The following TOX3 variants were observed in gnomAD, a reference collection of about 807,000 sequenced individuals.
TOX3 encodes CAG trinucleotide repeat-containing gene F9 protein.
TOX3 carries 22 observed loss-of-function variants against 64.3 expected under a neutral mutation model. That is an observed-to-expected ratio of 0.34 (90% CI 0.24 to 0.49). The LOEUF (loss-of-function observed/expected upper bound fraction) is 0.49. TOX3 is among the 20% of genes least tolerant of loss of function. The probability of loss-of-function intolerance (pLI) is 0.99; values close to 1 mark genes in which losing one functional copy is unlikely to be tolerated. For missense variants in TOX3, 661 were observed against 714.4 expected, an observed-to-expected ratio of 0.93 and a Z score of 0.85; for synonymous variants, 291 against 273.6, an observed-to-expected ratio of 1.06 and a Z score of -0.63.
intron 1 of TOX3, among the ~76,000 whole-genome samples, chr16:52,473,360 C>A (rs1003702046): frequency 9.6e-5 from 14 of 145,738 alleles, no homozygotes; most frequent in African/African-American, 3.9e-4. Context: ...CAAACTTAAT[C>A]CTAAAAAAAA....
Position 52,508,264 on chromosome 16 carries a change from A to T in TOX3, c.87+38373T>A, listed in dbSNP as rs530172464. On this transcript the variant is annotated intron_variant, in intron 1 of 6. Transcript: ENST00000219746. Reference sequence around the variant, plus strand: ...ATACAACCATTCTGGAAAATAATTCAACGTTGCCAAGTCAAGAGCATTCCC... The same window carrying T: ...ATACAACCATTCTGGAAAATAATTCTACGTTGCCAAGTCAAGAGCATTCCC... Among the ~76,000 whole-genome samples, 3 of 152,334 alleles carry T rather than the reference A, an allele frequency of 2.0e-5. No individual in the cohort carries two copies. In the East Asian group the frequency reaches 5.8e-4, roughly 29 times the overall value.
rs1963211351 is a variant in TOX3 at position 52,546,954 on chromosome 16, G to A, written c.-231C>T. The A allele has an allele frequency of 1.0e-6, 1 of 983,456 alleles. No individual in the cohort carries two copies. Among genetic ancestry groups the A allele is most frequent in the African/African-American group, 1.8e-5 (1 of 56,468 alleles). 60.9% of individuals were successfully genotyped at this position (983,456 alleles called of 1,614,324 possible). A position where few individuals can be genotyped will look rare whatever the true frequency, so the allele number is the denominator to read the frequency against. The stretch of plus-strand genomic sequence containing the variant: ...GAGCGGGAGGCGGCCGGGGGGACGC[G>A]CCCCGCCGGGGCACCGAGGCAGCGC... On this transcript the variant is annotated 5_prime_UTR_variant, in exon 1 of 7. Coordinates refer to ENST00000219746, the MANE Select transcript of TOX3 (RefSeq NM_001080430.4).
At chr16:52,507,227 A>G (rs1962183363) in intron 1 of TOX3, among the ~76,000 whole-genome samples, 1 of 152,210 alleles carries the variant, frequency 6.6e-6, no homozygotes, top group African/African-American at 2.4e-5. Context: ...GCTGTTTTGT[A>G]TCACAGCAAA....
intron 1 of TOX3, among the ~76,000 whole-genome samples, chr16:52,492,360 A>G (rs1045683683): frequency 2.4e-4 from 35 of 146,036 alleles, no homozygotes; most frequent in African/African-American, 8.2e-4. Context: ...TATTCTCACT[A>G]GAATTTACTC....
At chr16:52,462,660 C>T (rs1960726682) in intron 3 of TOX3, among the ~76,000 whole-genome samples, 1 of 151,952 alleles carries the variant, frequency 6.6e-6, no homozygotes, top group South Asian at 2.1e-4. Flanking sequence ...TATTTTTATT[C>T]TTTTCTAAGC....
intron 1 of TOX3, among the ~76,000 whole-genome samples, chr16:52,531,994 C>T (rs1193907086): frequency 1.3e-5 from 2 of 152,030 alleles, no homozygotes; most frequent in African/African-American, 4.8e-5. Context: ...CTGAAAAAAA[C>T]AGAAATTCAA....
rs551287853 is a variant in TOX3 at position 52,537,090 on chromosome 16, A to G, written c.87+9547T>C. The stretch of plus-strand genomic sequence containing the variant: ...TCTCTCTCTAATCTCTTCTTCAAAC[A>G]TGTTCAGACATTGTCTTGAAAATAT... On this transcript the variant is annotated intron_variant, in intron 1 of 6. Coordinates refer to ENST00000219746, the MANE Select transcript of TOX3 (RefSeq NM_001080430.4). Among the ~76,000 whole-genome samples, 25 of 152,150 alleles carry G rather than the reference A, an allele frequency of 1.6e-4. No individual in the cohort carries two copies. The South Asian group carries it at 5.2e-3, about 32-fold the overall frequency.
chr16:52,445,903 T>G lies in TOX3; in HGVS notation c.906+91A>C. ...AGGATTTCAAAAGAAGCAATCATAT[T>G]AAGTGAACACATGCACTTGGAAAAG... On this transcript the variant is annotated intron_variant, in intron 5 of 6. Coordinates refer to ENST00000219746, the MANE Select transcript of TOX3 (RefSeq NM_001080430.4). 3 of 1,190,120 alleles carry G rather than the reference T, an allele frequency of 2.5e-6. 1 individual carries two copies. 73.7% of individuals were successfully genotyped at this position (1,190,120 alleles called of 1,614,324 possible).
At chr16:52,518,559 A>T (rs1429778555) in intron 1 of TOX3, among the ~76,000 whole-genome samples, 1 of 152,206 alleles carries the variant, frequency 6.6e-6, no homozygotes, top group Non-Finnish European at 1.5e-5. Flanking sequence ...CGTCTTCTCT[A>T]TATTGTTGCT....
chr16:52,479,364 G>A (rs1455892562), intron 1 of TOX3, among the ~76,000 whole-genome samples: 1 of 152,188 alleles, frequency 6.6e-6, no homozygotes, highest in Non-Finnish European at 1.5e-5. Flanking sequence ...GCTTAGGGGA[G>A]GCTTAGCTTG....
intron 1 of TOX3, among the ~76,000 whole-genome samples, chr16:52,478,644 T>C (rs1961286147): frequency 1.3e-5 from 2 of 152,222 alleles, no homozygotes; most frequent in South Asian, 2.1e-4. Flanking sequence ...AGTATGTTTC[T>C]GTTGAATGCA....
At chr16:52,520,496 T>G (rs907730347) in intron 1 of TOX3, among the ~76,000 whole-genome samples, 3 of 152,252 alleles carry the variant, frequency 2.0e-5, no homozygotes, top group Non-Finnish European at 4.4e-5. Context: ...TAGATCAGTG[T>G]CTGCCAAATT....
rs368713418 is a variant in TOX3 at position 52,446,088 on chromosome 16, G to A, written c.812C>T (p.Ala271Val). 4.3e-6 allele frequency: 7 copies of A among 1,613,840 alleles called. No homozygotes were observed. The African/African-American group carries it at 9.3e-5, about 22-fold the overall frequency. ...ATTGGGGTTTTGACCTTTAATTGCA[G>A]CCTGTGTGTCTCTGAAAAACAGGGC... ...AYALFFRDTQAAIKGQNPNAT... is the reference protein window; with the variant it reads ...AYALFFRDTQVAIKGQNPNAT... Residue 271 changes from alanine to valine, a missense_variant, in exon 5 of 7, where the codon GCT becomes GTT. Coordinates refer to ENST00000219746, the MANE Select transcript of TOX3 (RefSeq NM_001080430.4).
chr16:52,442,578 G>A (rs975738471), intron 6 of TOX3, among the ~76,000 whole-genome samples: 1 of 152,046 alleles, frequency 6.6e-6, no homozygotes, highest in African/African-American at 2.4e-5. Context: ...TTAAACTGTG[G>A]GATCCAAAAC....
At chr16:52,504,454 G>C (rs909345114) in intron 1 of TOX3, among the ~76,000 whole-genome samples, 7 of 135,266 alleles carry the variant, frequency 5.2e-5, no homozygotes, top group Non-Finnish European at 1.1e-4. Context: ...GTGATAGAGC[G>C]AGACTCCGTC....
intron 1 of TOX3, among the ~76,000 whole-genome samples, chr16:52,485,993 G>A (rs1404387573): frequency 1.3e-5 from 2 of 152,154 alleles, no homozygotes; most frequent in Non-Finnish European, 2.9e-5. Context: ...TCCAGCAGTG[G>A]GCCAAAGCAC....
intron 1 of TOX3, among the ~76,000 whole-genome samples, chr16:52,545,724 T>C (rs2151493675): frequency 6.6e-6 from 1 of 152,214 alleles, no homozygotes; most frequent in East Asian, 1.9e-4. Context: ...GGTGATGTTT[T>C]CGACAAATTC....
chr16:52,466,608 A>G (rs1281200124), intron 2 of TOX3, among the ~76,000 whole-genome samples: 1 of 152,222 alleles, frequency 6.6e-6, no homozygotes, highest in Non-Finnish European at 1.5e-5. Context: ...CAAAACTAAC[A>G]TAAAACATGT....
intron 1 of TOX3, among the ~76,000 whole-genome samples, chr16:52,470,168 T>C (rs1478317344): frequency 6.6e-6 from 1 of 152,236 alleles, no homozygotes; most frequent in Non-Finnish European, 1.5e-5. Context: ...CAATGTTAAA[T>C]ACATGCAAGA....
Sources: allele counts gnomAD v4.1 joint callset (sites outside exome capture counted in the v4.1 genomes callset), GRCh38; gene constraint gnomAD v4.1.1; transcripts MANE v1.5; gene names NCBI Gene and HGNC (gene_info 2026-07-23, HGNC 2026-07-21).